The following DTNA variants were observed in gnomAD, a reference collection of about 807,000 sequenced individuals.
The protein encoded by DTNA is dystrophin-related protein 3.
DTNA carries 43 observed loss-of-function variants against 100.7 expected under a neutral mutation model. That is an observed-to-expected ratio of 0.43 (90% CI 0.33 to 0.55). DTNA has a LOEUF of 0.55. Among genes scored for constraint, DTNA ranks in the 20% least tolerant of loss-of-function variants. The pLI is 0.04. For synonymous variants in DTNA, 349 were observed against 347.9 expected (o/e 1.00, Z -0.04); for missense variants, 798 against 953.9 (o/e 0.84, Z 2.15).
intron 14 of DTNA, among the ~76,000 whole-genome samples, chr18:34,848,624 G>A (rs1037521397): frequency 6.6e-6 from 1 of 151,952 alleles, no homozygotes; most frequent in East Asian, 1.9e-4. Context: ...TGGAATCCTC[G>A]CATCCCCCTT....
rs1568629748 is a variant in DTNA at position 34,818,233 on chromosome 18, A to G, written c.779A>G (p.Gln260Arg). ...SMMGFRYRCQ[Q>R]CHNYQLCQDC... Reference sequence around the variant, plus strand: ...ATGGGATTTCGCTACCGATGCCAACAGTGTCACAATTACCAGCTCTGTCAG... The same window carrying G: ...ATGGGATTTCGCTACCGATGCCAACGGTGTCACAATTACCAGCTCTGTCAG... Residue 260 changes from glutamine (Q) to arginine (R), a missense_variant, in exon 8 of 23, where the codon CAG becomes CGG. Around this residue, in one of 6 missense-constraint regions of DTNA, gnomAD observed 81 missense variants for 153.5 expected, o/e 0.53. Coordinates refer to ENST00000444659, the MANE Select transcript of DTNA (RefSeq NM_001386795.1). 6.2e-7 allele frequency: 1 copy of G among 1,614,064 alleles called. No homozygotes were observed. The highest frequency in any genetic ancestry group is 8.5e-7 in the Non-Finnish European group (1 of 1,179,960).
At chr18:34,501,501 T>G (rs1401716588) in intron 1 of DTNA, among the ~76,000 whole-genome samples, 1 of 152,224 alleles carries the variant, frequency 6.6e-6, no homozygotes, top group Non-Finnish European at 1.5e-5. Context: ...GTGTTCCCTC[T>G]TCTATTTTCT....
intron 1 of DTNA, among the ~76,000 whole-genome samples, chr18:34,521,686 T>C (rs1239407667): frequency 6.6e-6 from 1 of 152,132 alleles, no homozygotes; most frequent in African/African-American, 2.4e-5. Flanking sequence ...CTCTGACCCC[T>C]ACCTGGAGCA....
chr18:34,864,560 C>T (rs1202211643), intron 17 of DTNA, among the ~76,000 whole-genome samples: 1 of 152,164 alleles, frequency 6.6e-6, no homozygotes. Flanking sequence ...GCCTAGAACA[C>T]ATTCTTATCC....
intron 15 of DTNA, among the ~76,000 whole-genome samples, chr18:34,852,502 C>T (rs1454631076): frequency 6.6e-6 from 1 of 152,216 alleles, no homozygotes; most frequent in East Asian, 1.9e-4. Flanking sequence ...CACCACCACC[C>T]AGTTCAGCCT....
chr18:34,755,903 A>T, intron 1 of DTNA, 73 bp from the exon 2 acceptor site: 1 of 1,312,348 alleles, frequency 7.6e-7, no homozygotes, highest in Non-Finnish European at 1.1e-6. Flanking sequence ...TACAGCAAGT[A>T]CGTTTACAGA....
intron 3 of DTNA, among the ~76,000 whole-genome samples, chr18:34,789,799 A>G (rs547822550): frequency 7.9e-5 from 12 of 152,334 alleles, no homozygotes; most frequent in African/African-American, 2.4e-4. Flanking sequence ...AATGCAGCAT[A>G]TTTATGTTTA....
In DTNA at chr18:34,691,212, C is replaced by A. The variant is rs948595427; in HGVS notation, c.-1-64764C>A. Among the ~76,000 whole-genome samples, 41 of 152,342 alleles carry A rather than the reference C, an allele frequency of 2.7e-4. 1 individual carries two copies. Among genetic ancestry groups the A allele is most frequent in the Admixed American group, 2.4e-3 (37 of 15,300 alleles). The stretch of plus-strand genomic sequence containing the variant: ...CACTCACTTTGAACAGAAATTACTT[C>A]TTTTCTGTATTCTTCCTCTCCTTTC... On this transcript the variant is annotated intron_variant, in intron 1 of 19. Coordinates refer to the DTNA transcript ENST00000283365.
At chr18:34,608,439 C>G (rs2053563975) in intron 1 of DTNA, among the ~76,000 whole-genome samples, 1 of 151,938 alleles carries the variant, frequency 6.6e-6, no homozygotes, top group South Asian at 2.1e-4. Context: ...ATTTAATACC[C>G]TGGAGCACCC....
At chr18:34,581,918 G>T (rs1014956608) in intron 1 of DTNA, among the ~76,000 whole-genome samples, 1 of 151,980 alleles carries the variant, frequency 6.6e-6, no homozygotes, top group Non-Finnish European at 1.5e-5. Context: ...CACCATGCCC[G>T]GCCCTGCCCC....
chr18:34,659,963 CTG>C (rs1186938205), intron 1 of DTNA, among the ~76,000 whole-genome samples: 1 of 152,172 alleles, frequency 6.6e-6, no homozygotes, highest in South Asian at 2.1e-4. Context: ...AACTCAAAAA[CTG>C]TTTTCAAAAC....
chr18:34,659,107 T>C lies in DTNA; in HGVS notation c.-1-96869T>C, dbSNP rs1458019804. On this transcript the variant is annotated intron_variant, in intron 1 of 19. Coordinates refer to the DTNA transcript ENST00000283365. ...GTACGTGTGTGTGTGTGTGCACGCA[T>C]GTGTGTGTTATGACTGGAAGGAGAT... Among the ~76,000 whole-genome samples the C allele has an allele frequency of 1.3e-5, 2 of 152,152 alleles. 1 individual carries two copies. Among genetic ancestry groups the C allele is most frequent in the East Asian group, 3.9e-4 (2 of 5,194 alleles).
At chr18:34,514,950 A>C (rs2041453260) in intron 1 of DTNA, among the ~76,000 whole-genome samples, 1 of 151,598 alleles carries the variant, frequency 6.6e-6, no homozygotes, top group African/African-American at 2.4e-5. Flanking sequence ...TTAATATGAA[A>C]CTCACCCTGT....
At chr18:34,632,361 T>C (rs2058180755) in intron 1 of DTNA, among the ~76,000 whole-genome samples, 1 of 152,196 alleles carries the variant, frequency 6.6e-6, no homozygotes, top group East Asian at 1.9e-4. Context: ...GTCAAGTGGT[T>C]CCCATTGCAT....
chr18:34,510,552 C>T (rs188516569), intron 1 of DTNA, among the ~76,000 whole-genome samples: 44 of 150,764 alleles, frequency 2.9e-4, no homozygotes, highest in South Asian at 8.4e-4. Flanking sequence ...AGCTAGTCTT[C>T]GGCATAGGTT....
Position 34,888,192 on chromosome 18 carries a change from A to G in DTNA, c.*458A>G. 2.0e-6 allele frequency: 2 copies of G among 985,888 alleles called. No individual in the cohort carries two copies. The highest frequency in any genetic ancestry group is 2.4e-6 in the Non-Finnish European group (2 of 829,926). 61.1% of individuals were successfully genotyped at this position (985,888 alleles called of 1,614,324 possible). On this transcript the variant is annotated 3_prime_UTR_variant, in exon 23 of 23. Transcript: ENST00000444659. Reference sequence around the variant, plus strand: ...TGTTCAGTTTACAATGACAATATTAATACTGTTTATAGCTAGAAGTTTGAT... The same window carrying G: ...TGTTCAGTTTACAATGACAATATTAGTACTGTTTATAGCTAGAAGTTTGAT...
chr18:34,650,381 A>G (rs2060301519), intron 1 of DTNA, among the ~76,000 whole-genome samples: 1 of 152,092 alleles, frequency 6.6e-6, no homozygotes, highest in Admixed American at 6.6e-5. Context: ...TGAAAGAAAT[A>G]TGTGAGTGTG....
Position 34,890,294 on chromosome 18 carries a change from T to C in DTNA, c.*2560T>C. The C allele has an allele frequency of 2.6e-6, 4 of 1,535,568 alleles. No homozygotes were observed. The highest frequency in any genetic ancestry group is 3.5e-6 in the Non-Finnish European group (4 of 1,146,580). The stretch of plus-strand genomic sequence containing the variant: ...TGACTAACCAGCCACCTTTTCTCTC[T>C]CTTAGCTCCACGTCAGCACTGAGAC... On this transcript the variant is annotated 3_prime_UTR_variant, in exon 23 of 23. Coordinates refer to ENST00000444659, the MANE Select transcript of DTNA (RefSeq NM_001386795.1).
intron 1 of DTNA, among the ~76,000 whole-genome samples, chr18:34,749,862 C>A (rs547117351): frequency 6.6e-6 from 1 of 151,962 alleles, no homozygotes; most frequent in Admixed American, 6.6e-5. Flanking sequence ...GCTCTGAATA[C>A]TTTTTTATTA....
Sources: gnomAD v4.1 joint callset for allele counts (sites outside exome capture counted in the v4.1 genomes callset) on GRCh38, gnomAD v4.1.1 for gene constraint, gnomAD v4.1.1 regional missense constraint, MANE v1.5 for transcripts, NCBI Gene and HGNC (gene_info 2026-07-23, HGNC 2026-07-21) for gene names.